Variants in SDK1 observed in about 807,000 individuals in gnomAD.
SDK1 encodes the protein protein sidekick-1.
Under a neutral mutation model 245.5 loss-of-function variants are expected in SDK1, and 157 were observed. The observed-to-expected ratio is 0.64, with a 90% CI of 0.56 to 0.73. The LOEUF (loss-of-function observed/expected upper bound fraction) is 0.73, where lower values mean the gene tolerates loss of function less well. SDK1 is among the 30% of genes least tolerant of loss of function. The pLI is 0.00. For synonymous variants in SDK1, 1,647 were observed against 1,278.5 expected (o/e 1.29, Z -6.15); for missense variants, 3,583 against 3,002.3 (o/e 1.19, Z -4.52).
chr7:4,049,537 C>G lies in SDK1; in HGVS notation c.2718+74C>G, dbSNP rs181457129. ...CCACAGCGCGACGCAGCTGGAGGCA[C>G]CCCCTCTTGTGTATCAAGAGCTGGT... On this transcript the variant is annotated intron_variant, in intron 18 of 44. Coordinates refer to ENST00000404826, the MANE Select transcript of SDK1 (RefSeq NM_152744.4). 1,650 of 1,130,596 alleles carry G rather than the reference C, an allele frequency of 1.5e-3. 8 individuals are homozygous for G. The African/African-American group carries it at 0.023, about 16-fold the overall frequency. 70.0% of individuals were successfully genotyped at this position (1,130,596 alleles called of 1,614,324 possible).
chr7:4,104,585 A>G (rs1782783229), intron 22 of SDK1, among the ~76,000 whole-genome samples: 1 of 152,146 alleles, frequency 6.6e-6, no homozygotes, highest in Non-Finnish European at 1.5e-5. Context: ...CACTCTACAT[A>G]CTTTGACATA....
chr7:3,782,047 C>T (rs1337826185), intron 4 of SDK1, among the ~76,000 whole-genome samples: 2 of 152,132 alleles, frequency 1.3e-5, no homozygotes, highest in African/African-American at 2.4e-5. Flanking sequence ...GATGCCAATA[C>T]CCATGTTTTA....
At position 3,654,465 on chromosome 7, in the gene SDK1, G is replaced by T. The variant is rs1254646749; in HGVS notation, c.713+12360G>T. Reference sequence around the variant, plus strand: ...TGTGAGGATTTCGTGTTTTCTTTCAGATTGTCAGGTAGTGCGATAAAGGGT... The same window carrying T: ...TGTGAGGATTTCGTGTTTTCTTTCATATTGTCAGGTAGTGCGATAAAGGGT... On this transcript the variant is annotated intron_variant, in intron 4 of 44. Coordinates refer to ENST00000404826, the MANE Select transcript of SDK1 (RefSeq NM_152744.4). Among the ~76,000 whole-genome samples the T allele has an allele frequency of 2.6e-5, 4 of 152,192 alleles. No homozygotes were observed. In the East Asian group the frequency reaches 7.7e-4, roughly 29 times the overall value.
At chr7:3,602,810 G>C (rs539620785) in intron 1 of SDK1, among the ~76,000 whole-genome samples, 1 of 152,134 alleles carries the variant, frequency 6.6e-6, no homozygotes, top group Non-Finnish European at 1.5e-5. Context: ...ATAGTTTTAG[G>C]TCTAACATTT....
intron 4 of SDK1, among the ~76,000 whole-genome samples, chr7:3,733,235 C>G (rs1385725792): frequency 6.6e-6 from 1 of 152,080 alleles, no homozygotes; most frequent in East Asian, 1.9e-4. Flanking sequence ...TCCCTTGAAC[C>G]AAATTTAGTA....
Position 3,630,550 on chromosome 7 carries a change from C to T in SDK1, c.459-8454C>T, listed in dbSNP as rs141911013. 7.1e-3 allele frequency among the ~76,000 whole-genome samples: 1,083 copies of T among 152,200 alleles called. 3 individuals carry two copies. Among genetic ancestry groups the T allele is most frequent in the Non-Finnish European group, 0.012 (816 of 68,000 alleles). On this transcript the variant is annotated intron_variant, in intron 2 of 44. Coordinates refer to ENST00000404826, the MANE Select transcript of SDK1 (RefSeq NM_152744.4). ...AGTTGGGAGGTTGAGGCAGGAGAAT[C>T]CCTTGAACCCAGGAGGCAGAGATTG...
chr7:3,614,826 T>A (rs895292436), intron 1 of SDK1, among the ~76,000 whole-genome samples: 1 of 144,046 alleles, frequency 6.9e-6, no homozygotes, highest in Non-Finnish European at 1.6e-5. Context: ...TTATAATGAA[T>A]GTTAGTGTCT....
chr7:3,595,823 C>A (rs1219113184), intron 1 of SDK1, among the ~76,000 whole-genome samples: 1 of 70,530 alleles, frequency 1.4e-5, no homozygotes, highest in African/African-American at 6.6e-5. Flanking sequence ...GTTAAGACTT[C>A]ATCTCAAAAA....
chr7:4,205,036 T>A (rs377613060), intron 35 of SDK1, among the ~76,000 whole-genome samples: 2 of 75,302 alleles, frequency 2.7e-5, no homozygotes, highest in South Asian at 8.7e-4. Flanking sequence ...AACATCCTCA[T>A]GTGTCCTTTG....
rs148081896 is a variant in SDK1 at position 3,663,242 on chromosome 7, A to G, written c.713+21137A>G. Among the ~76,000 whole-genome samples the G allele has an allele frequency of 1.6e-3, 243 of 152,356 alleles. 1 individual carries two copies. Among genetic ancestry groups the G allele is most frequent in the African/African-American group, 5.7e-3 (239 of 41,592 alleles). ...GATACTTACTTTTAGAGTAAGATAT[A>G]TAATGATAATAGTACAGTGTCCTAC... On this transcript the variant is annotated intron_variant, in intron 4 of 44. Transcript: ENST00000404826.
intron 1 of SDK1, among the ~76,000 whole-genome samples, chr7:3,353,428 C>T (rs375413459): frequency 3.3e-5 from 5 of 151,610 alleles, no homozygotes; most frequent in African/African-American, 1.2e-4. Flanking sequence ...TTGAAGTAAC[C>T]ATAATTTCTA....
chr7:3,997,836 T>C (rs1187469582), intron 14 of SDK1, among the ~76,000 whole-genome samples: 38 of 151,934 alleles, frequency 2.5e-4, no homozygotes, highest in Admixed American at 2.5e-3. Context: ...TGCCCAGGAG[T>C]CTGTCTGCCT....
At chr7:3,617,559 A>G (rs557269649) in intron 1 of SDK1, among the ~76,000 whole-genome samples, 1 of 152,148 alleles carries the variant, frequency 6.6e-6, no homozygotes, top group Admixed American at 6.5e-5. Context: ...AAATGATGGA[A>G]GTATATTTGA....
chr7:3,478,411 A>G (rs1781411442), intron 1 of SDK1, among the ~76,000 whole-genome samples: 2 of 151,992 alleles, frequency 1.3e-5, no homozygotes, highest in South Asian at 4.2e-4. Flanking sequence ...TTATTTTTCA[A>G]TTTGGGGAAA....
At chr7:4,142,741 G>A (rs1243104464) in intron 28 of SDK1, among the ~76,000 whole-genome samples, 6 of 152,198 alleles carry the variant, frequency 3.9e-5, no homozygotes, top group Admixed American at 1.3e-4. Context: ...GGGATTACAG[G>A]CGTGAGCCAC....
At position 3,633,582 on chromosome 7, in the gene SDK1, G is replaced by T. The variant is rs73673659; in HGVS notation, c.459-5422G>T. 5.5e-3 allele frequency among the ~76,000 whole-genome samples: 844 copies of T among 152,152 alleles called. 8 individuals are homozygous for T. The highest frequency in any genetic ancestry group is 0.02 in the African/African-American group (812 of 41,504). On this transcript the variant is annotated intron_variant, in intron 2 of 44. Coordinates refer to ENST00000404826, the MANE Select transcript of SDK1 (RefSeq NM_152744.4). ...CATGATTTTTAGTGGTTTACCAAGA[G>T]CCATGTTTTTTTGTTTATTTTTTCT...
intron 4 of SDK1, among the ~76,000 whole-genome samples, chr7:3,800,595 C>A (rs1431878977): frequency 1.3e-5 from 2 of 152,086 alleles, no homozygotes; most frequent in African/African-American, 2.4e-5. Context: ...TGGTCTTGAT[C>A]TCCTGACCTC....
chr7:4,099,321 G>A (rs1397244537), intron 22 of SDK1, among the ~76,000 whole-genome samples: 3 of 145,426 alleles, frequency 2.1e-5, no homozygotes, highest in African/African-American at 7.6e-5. Context: ...CCAAGGGGAG[G>A]GGGCAGGGAA....
chr7:3,564,352 A>G (rs1286846504), intron 1 of SDK1, among the ~76,000 whole-genome samples: 1 of 152,040 alleles, frequency 6.6e-6, no homozygotes, highest in East Asian at 1.9e-4. Context: ...AATACAGGAC[A>G]ATGCTGGCAC....
Sources: allele counts gnomAD v4.1 joint callset (sites outside exome capture counted in the v4.1 genomes callset), GRCh38; gene constraint gnomAD v4.1.1; transcripts MANE v1.5; gene names NCBI Gene and HGNC (gene_info 2026-07-23, HGNC 2026-07-21).